RELCH: variants seen among roughly 807,000 people sequenced by gnomAD.
RELCH encodes the protein RAB11-binding protein RELCH.
In RELCH, 41 loss-of-function variants were observed where a neutral mutation model predicts 150.3. The observed-to-expected ratio is 0.27, with a 90% CI of 0.21 to 0.35. The LOEUF is 0.35. RELCH is among the 10% of genes least tolerant of loss of function. The pLI is 1.00. For missense variants in RELCH, 1,092 were observed against 1,467.8 expected (o/e 0.74, Z 4.18); for synonymous variants, 478 against 531.8 (o/e 0.90, Z 1.39).
At chr18:62,205,105 C>T (rs1305568318) in intron 1 of RELCH, among the ~76,000 whole-genome samples, 4 of 152,194 alleles carry the variant, frequency 2.6e-5, no homozygotes, top group Non-Finnish European at 5.9e-5. Context: ...ATTTCTCCAT[C>T]AACAGTACAT....
chr18:62,188,977 A>G (rs756872381), intron 1 of RELCH, among the ~76,000 whole-genome samples: 5 of 152,176 alleles, frequency 3.3e-5, no homozygotes, highest in Non-Finnish European at 5.9e-5. Context: ...ACTGCAGCCT[A>G]ATTGATTTTT....
At chr18:62,253,790 G>A (rs2042853565) in intron 12 of RELCH, among the ~76,000 whole-genome samples, 1 of 152,074 alleles carries the variant, frequency 6.6e-6, no homozygotes, top group South Asian at 2.1e-4. Flanking sequence ...AAATTACAGT[G>A]CATACTAATT....
In RELCH at chr18:62,305,319, A is replaced by AT. The variant is rs1485889286; in HGVS notation, c.3531-93dup. ...TATTAGTTTCCCTTTTGTGACGCCA[A>AT]TTCAGAGTGTGTTCGTTAATGATAT... On this transcript the variant is annotated intron_variant, in intron 28 of 28. Coordinates refer to ENST00000644646, the MANE Select transcript of RELCH (RefSeq NM_001346231.2). This position sits in a 1 kb window ranked among gnomAD's most constrained non-coding sequence, Gnocchi z 4.0. 7 of 1,099,326 alleles carry AT rather than the reference A, an allele frequency of 6.4e-6. No homozygotes were observed. The highest frequency in any genetic ancestry group is 1.6e-5 in the African/African-American group (1 of 61,962). 68.1% of individuals were successfully genotyped at this position (1,099,326 alleles called of 1,614,324 possible).
In RELCH at chr18:62,187,465, G is replaced by C; in HGVS notation, c.-41G>C. 1 of 1,487,778 alleles carries C rather than the reference G, an allele frequency of 6.7e-7. No individual in the cohort carries two copies. The highest frequency in any genetic ancestry group is 8.9e-7 in the Non-Finnish European group (1 of 1,118,984). The allele number at this position is 1,487,778 out of a possible 1,614,324, so 92.2% of individuals were successfully genotyped here. A position where few individuals can be genotyped will look rare whatever the true frequency, so the allele number is the denominator to read the frequency against. On this transcript the variant is annotated 5_prime_UTR_variant, in exon 1 of 29. Transcript: ENST00000644646. ...TAGAGGATTCGGGCTGCGGCCCGTC[G>C]GAACCAGTCAGGGAGGCGCCCACAC...
intron 13 of RELCH, among the ~76,000 whole-genome samples, chr18:62,257,149 AT>A (rs908410401): frequency 1.3e-5 from 2 of 152,028 alleles, no homozygotes; most frequent in African/African-American, 4.8e-5. Context: ...TGTTTTAAGA[AT>A]TTTATAAATT....
At chr18:62,267,484 ATGTGTGTGTG>A (rs36203741) in intron 19 of RELCH, among the ~76,000 whole-genome samples, 5,771 of 135,756 alleles carry the variant, frequency 0.043, 392 homozygotes, top group African/African-American at 0.14. Context: ...CTAGGTATAT[ATGTGTGTGTG>A]TGTGTGTGTG....
intron 22 of RELCH, chr18:62,278,086 A>G (rs2044312260): frequency 6.5e-6 from 1 of 152,706 alleles, no homozygotes. Flanking sequence ...GTTAAAGTGT[A>G]TAACAATTGA....
chr18:62,265,283 C>T (rs570999751), intron 18 of RELCH, among the ~76,000 whole-genome samples: 5 of 151,990 alleles, frequency 3.3e-5, no homozygotes, highest in African/African-American at 7.2e-5. Context: ...AAACTTGCTG[C>T]GAAGATGCCA....
rs568757001 is a variant in RELCH at position 62,210,799 on chromosome 18, G to A, written c.527-354G>A. On this transcript the variant is annotated intron_variant, in intron 1 of 28. Transcript: ENST00000644646. ...TGATGGATAATGTGTGTGTTAGGCC[G>A]TGAAGACTGGATTCTGTTCTTTCAG... 1.9e-4 allele frequency among the ~76,000 whole-genome samples: 29 copies of A among 152,166 alleles called. 1 individual carries two copies. The highest frequency in any genetic ancestry group is 1.8e-3 in the Admixed American group (27 of 15,270).
At chr18:62,209,384 T>A (rs554314139) in intron 1 of RELCH, among the ~76,000 whole-genome samples, 2 of 152,280 alleles carry the variant, frequency 1.3e-5, no homozygotes, top group African/African-American at 4.8e-5. Context: ...CACAATTTGT[T>A]GAAAAAACTT....
intron 5 of RELCH, among the ~76,000 whole-genome samples, chr18:62,222,537 T>C (rs958192936): frequency 6.6e-6 from 1 of 151,856 alleles, no homozygotes; most frequent in Non-Finnish European, 1.5e-5. Flanking sequence ...AGAAAACAGA[T>C]AATAAAATGG....
chr18:62,215,579 C>G (rs1247415214), intron 2 of RELCH, among the ~76,000 whole-genome samples: 1 of 152,150 alleles, frequency 6.6e-6, no homozygotes, highest in African/African-American at 2.4e-5. Context: ...TACTTCATGC[C>G]AGGCACTATG....
At chr18:62,243,359 T>C (rs1002220338) in intron 10 of RELCH, among the ~76,000 whole-genome samples, 1 of 132,452 alleles carries the variant, frequency 7.5e-6, no homozygotes, top group African/African-American at 2.8e-5. Flanking sequence ...AGGGAAAACA[T>C]ATAGGATCTA....
intron 2 of RELCH, among the ~76,000 whole-genome samples, chr18:62,212,364 A>G (rs1278715407): frequency 6.6e-6 from 1 of 152,222 alleles, no homozygotes; most frequent in Non-Finnish European, 1.5e-5. Context: ...TCAGTTGGGT[A>G]TCTTGAGCTC....
At chr18:62,296,598 A>AT (rs1175347455) in intron 27 of RELCH, among the ~76,000 whole-genome samples, 1 of 151,856 alleles carries the variant, frequency 6.6e-6, no homozygotes, top group Non-Finnish European at 1.5e-5. Context: ...AAAAAAAAAA[A>AT]GTTATGATTG....
chr18:62,222,300 T>C (rs2040927294), intron 5 of RELCH, among the ~76,000 whole-genome samples: 1 of 151,978 alleles, frequency 6.6e-6, no homozygotes, highest in Non-Finnish European at 1.5e-5. Context: ...TTATTTTTTA[T>C]TCAATGGTAG....
intron 27 of RELCH, among the ~76,000 whole-genome samples, chr18:62,297,620 A>T (rs1244621026): frequency 1.3e-5 from 2 of 152,218 alleles, no homozygotes; most frequent in African/African-American, 4.8e-5. Flanking sequence ...CACATGATGC[A>T]TGATAAAAGT....
intron 19 of RELCH, among the ~76,000 whole-genome samples, chr18:62,268,350 A>T (rs2043702412): frequency 6.6e-6 from 1 of 152,020 alleles, no homozygotes; most frequent in South Asian, 2.1e-4. Context: ...ACTTAGCATG[A>T]TTCCTTCCCC....
rs759276755 is a variant in RELCH, at chr18:62,264,048, C to T, written c.2410C>T (p.Arg804Cys). 6 of 1,608,882 alleles carry T rather than the reference C, an allele frequency of 3.7e-6. No individual in the cohort carries two copies. Among genetic ancestry groups the T allele is most frequent in the African/African-American group, 2.7e-5 (2 of 74,364 alleles). ...LQDVSTIIGS[R>C]EQLAVLLQLY... ...AGATGTGTCCACTATTATCGGAAGT[C>T]GTGAGCAATTGGCAGTGCTGCTGCA... Residue 804 changes from arginine to cysteine, a missense_variant, in exon 17 of 29, where the codon CGT becomes TGT. This residue lies in a region of RELCH where 707 missense variants were observed against 1,025.4 expected (regional missense o/e 0.69). Transcript: ENST00000644646.
Sources: allele counts gnomAD v4.1 joint callset (sites outside exome capture counted in the v4.1 genomes callset), GRCh38; gene constraint gnomAD v4.1.1; regional missense constraint gnomAD v4.1.1; non-coding constraint Gnocchi (gnomAD v3.1); transcripts MANE v1.5; gene names NCBI Gene and HGNC (gene_info 2026-07-23, HGNC 2026-07-21).